AUTS2: variants seen among roughly 807,000 people sequenced by gnomAD.
The protein encoded by AUTS2 is activator of transcription and developmental regulator AUTS2, also known as autism susceptibility gene 2 protein.
Under a neutral mutation model 112.4 loss-of-function variants are expected in AUTS2, and 17 were observed. That is an observed-to-expected ratio of 0.15 (90% CI 0.10 to 0.23). The LOEUF (loss-of-function observed/expected upper bound fraction) is 0.23, where lower values mean the gene tolerates loss of function less well. Ranked by LOEUF, AUTS2 falls within the 10% of genes least tolerant of loss-of-function variation. AUTS2 has a pLI of 1.00. For missense variants in AUTS2, 1,510 were observed against 1,701.6 expected (o/e 0.89, Z 1.98); for synonymous variants, 751 against 702.7 (o/e 1.07, Z -1.09).
chr7:69,793,002 C>T (rs185405279), intron 1 of AUTS2, among the ~76,000 whole-genome samples: 1 of 152,208 alleles, frequency 6.6e-6, no homozygotes, highest in Admixed American at 6.5e-5. Flanking sequence ...TGTGAACTTG[C>T]TGTTCAGTCC....
intron 1 of AUTS2, among the ~76,000 whole-genome samples, chr7:69,612,767 T>C (rs1338251891): frequency 1.2e-4 from 19 of 152,184 alleles, no homozygotes; most frequent in Admixed American, 1.2e-3. Context: ...TTATTTCTTA[T>C]GTATTGTTAT....
At chr7:70,776,645 G>A in intron 13 of AUTS2, 4 of 187,924 alleles carry the variant, frequency 2.1e-5, no homozygotes, top group Non-Finnish European at 4.3e-5. Flanking sequence ...CTTGGGGGAG[G>A]TTAGGACAGG....
intron 5 of AUTS2, among the ~76,000 whole-genome samples, chr7:70,685,714 A>T (rs955218718): frequency 7.2e-5 from 11 of 152,172 alleles, no homozygotes; most frequent in East Asian, 1.9e-4. Context: ...ATTGTTTTTT[A>T]AAAAAAGAAA....
intron 2 of AUTS2, among the ~76,000 whole-genome samples, chr7:69,937,130 G>C (rs1426298304): frequency 6.6e-6 from 1 of 152,208 alleles, no homozygotes; most frequent in Non-Finnish European, 1.5e-5. Context: ...GGACTGTAAA[G>C]AGGCTGTCCA....
intron 1 of AUTS2, among the ~76,000 whole-genome samples, chr7:69,792,443 G>T (rs573390285): frequency 2.0e-5 from 3 of 152,042 alleles, no homozygotes; most frequent in South Asian, 4.2e-4. Flanking sequence ...GTTTCACCAT[G>T]TTAGCCAGGA....
chr7:70,323,949 T>C (rs933977799), intron 4 of AUTS2, among the ~76,000 whole-genome samples: 1 of 152,112 alleles, frequency 6.6e-6, no homozygotes, highest in Non-Finnish European at 1.5e-5. Flanking sequence ...TAGCTGAAAA[T>C]GCAAGGAGGA....
chr7:70,130,083 C>T (rs533017008), intron 3 of AUTS2, among the ~76,000 whole-genome samples: 1 of 152,240 alleles, frequency 6.6e-6, no homozygotes, highest in South Asian at 2.1e-4. Context: ...CATGGTCCTT[C>T]TCCTTTTTAC....
At chr7:70,086,040 C>T (rs570410324) in intron 2 of AUTS2, among the ~76,000 whole-genome samples, 3 of 152,256 alleles carry the variant, frequency 2.0e-5, no homozygotes, top group South Asian at 4.1e-4. Context: ...TATCTTGACA[C>T]CAATACCACG....
chr7:70,356,763 T>TA (rs1792030469), intron 4 of AUTS2, among the ~76,000 whole-genome samples: 1 of 151,968 alleles, frequency 6.6e-6, no homozygotes, highest in Non-Finnish European at 1.5e-5. Context: ...CACTGAAAAT[T>TA]ACCTTATGTG....
In AUTS2 at chr7:70,631,086, C is replaced by A. The variant is rs1237771279; in HGVS notation, c.691-67483C>A. Among the ~76,000 whole-genome samples the A allele has an allele frequency of 1.3e-5, 2 of 152,172 alleles. No individual in the cohort carries two copies. Among genetic ancestry groups the A allele is most frequent in the Non-Finnish European group, 2.9e-5 (2 of 68,042 alleles). On this transcript the variant is annotated intron_variant, in intron 5 of 18. Transcript: ENST00000342771. The surrounding 1 kb of genome is among the most constrained non-coding windows in gnomAD (Gnocchi z 4.5). ...TTGCTCAGTCTGTCAGAATGGGCTG[C>A]TTCCCTCAGCAGCAGCCACAGCCAG...
chr7:70,023,360 C>T (rs1416904806), intron 2 of AUTS2, among the ~76,000 whole-genome samples: 2 of 152,156 alleles, frequency 1.3e-5, no homozygotes, highest in African/African-American at 4.8e-5. Context: ...TGGTGAATGT[C>T]ATTTTCTCAA....
chr7:70,738,285 G>T (rs947820495), intron 6 of AUTS2, among the ~76,000 whole-genome samples: 3 of 152,084 alleles, frequency 2.0e-5, no homozygotes, highest in African/African-American at 7.2e-5. Context: ...CTCCTGAGTT[G>T]ATTCTCTCCA....
intron 4 of AUTS2, among the ~76,000 whole-genome samples, chr7:70,210,278 G>A (rs1010452978): frequency 4.6e-5 from 7 of 152,202 alleles, no homozygotes; most frequent in Non-Finnish European, 1.0e-4. Context: ...ATTAGCATCT[G>A]TTTATAGAAT....
chr7:70,686,826 C>T (rs895585852), intron 5 of AUTS2, among the ~76,000 whole-genome samples: 2 of 152,172 alleles, frequency 1.3e-5, no homozygotes, highest in African/African-American at 2.4e-5. Context: ...TGAGCCACTG[C>T]GCCAGACCCG....
At chr7:70,321,240 G>T (rs577709663) in intron 4 of AUTS2, among the ~76,000 whole-genome samples, 1 of 152,188 alleles carries the variant, frequency 6.6e-6, no homozygotes, top group Non-Finnish European at 1.5e-5. Flanking sequence ...TTGTTTGACT[G>T]TAACACGTTT....
chr7:70,496,030 A>C (rs1798473066), intron 5 of AUTS2, among the ~76,000 whole-genome samples: 1 of 119,276 alleles, frequency 8.4e-6, no homozygotes, highest in Non-Finnish European at 1.7e-5. Flanking sequence ...CCCCCCCCAC[A>C]CACATGCACA....
At chr7:70,112,360 T>C (rs999726119) in intron 2 of AUTS2, among the ~76,000 whole-genome samples, 8 of 152,002 alleles carry the variant, frequency 5.3e-5, no homozygotes, top group Admixed American at 1.3e-4. Context: ...TTTATTCTTA[T>C]ATTCTTTGTT....
chr7:70,732,767 G>A (rs904403384), intron 6 of AUTS2, among the ~76,000 whole-genome samples: 29 of 152,288 alleles, frequency 1.9e-4, no homozygotes, highest in African/African-American at 5.3e-4. Flanking sequence ...AGAAAAAAGC[G>A]TGTATTACTT....
At chr7:69,675,581 T>C (rs1023490687) in intron 1 of AUTS2, among the ~76,000 whole-genome samples, 4 of 149,162 alleles carry the variant, frequency 2.7e-5, no homozygotes. Flanking sequence ...TGGTCTCATC[T>C]CTGCAACCTC....
Sources: allele counts gnomAD v4.1 joint callset (sites outside exome capture counted in the v4.1 genomes callset), GRCh38; gene constraint gnomAD v4.1.1; non-coding constraint Gnocchi (gnomAD v3.1); transcripts MANE v1.5; gene names NCBI Gene and HGNC (gene_info 2026-07-23, HGNC 2026-07-21).